Variants in NSUN3 observed in about 807,000 individuals in gnomAD.
NSUN3 encodes the protein tRNA (cytosine(34)-C(5))-methyltransferase, mitochondrial.
In NSUN3, 24 loss-of-function variants were observed where a neutral mutation model predicts 36.8. That is an observed-to-expected ratio of 0.65 (90% confidence interval 0.47 to 0.92). The LOEUF (loss-of-function observed/expected upper bound fraction) is 0.92, where lower values mean the gene tolerates loss of function less well. Ranked by LOEUF, NSUN3 falls within the 40% of genes least tolerant of loss-of-function variation. The pLI, the probability that NSUN3 is intolerant of heterozygous loss-of-function variation, is 0.00. For missense variants in NSUN3, 381 were observed against 392.8 expected, an observed-to-expected ratio of 0.97 and a Z score of 0.25; for synonymous variants, 146 against 145.2, an observed-to-expected ratio of 1.01 and a Z score of -0.04.
At chr3:94,126,074 G>A (rs1310808354) in intron 5 of NSUN3, 137 bp from the exon 6 acceptor site, 22 of 622,084 alleles carry the variant, frequency 3.5e-5, no homozygotes, top group East Asian at 3.1e-5. Context: ...AAAAAAAAAA[G>A]ACTAGAAAAC....
rs1256526197 is a variant in NSUN3 at position 94,130,526 on chromosome 3, T to TA, written c.*4037dup. ...TTGCGTGAATTTTTATACAAACACT[T>TA]ATGAGTTATATAAAATGTTCTAAAA... On this transcript the variant is annotated 3_prime_UTR_variant, in exon 6 of 6. Coordinates refer to ENST00000314622, the MANE Select transcript of NSUN3 (RefSeq NM_022072.5). 3.3e-5 allele frequency among the ~76,000 whole-genome samples: 5 copies of TA among 152,208 alleles called. No individual in the cohort carries two copies. The highest frequency in any genetic ancestry group is 3.3e-4 in the Admixed American group (5 of 15,288).
Position 94,067,098 on chromosome 3 carries a change from G to A in NSUN3, c.122+2552G>A, listed in dbSNP as rs537210454. ...CAGGTGTCAACTCAACATCCAGAAG[G>A]GCTTGTGACTAAAAGCTGTATGGAC... On this transcript the variant is annotated intron_variant, in intron 2 of 5. Transcript: ENST00000314622. 3.9e-5 allele frequency among the ~76,000 whole-genome samples: 6 copies of A among 152,234 alleles called. No homozygotes were observed. The South Asian group carries it at 8.3e-4, about 21-fold the overall frequency.
At chr3:94,109,901 C>G (rs1299126679) in intron 5 of NSUN3, among the ~76,000 whole-genome samples, 1 of 152,156 alleles carries the variant, frequency 6.6e-6, no homozygotes, top group Admixed American at 6.5e-5. Context: ...ATTCATTGTT[C>G]CCTTCATCAA....
At position 94,084,220 on chromosome 3, in the gene NSUN3, A is replaced by C; in HGVS notation, c.236A>C (p.Gln79Pro). ...LHLKGYHTLSQGSLPNYPKSV... is the reference protein window; with the variant it reads ...LHLKGYHTLSPGSLPNYPKSV... ...TTGAAGGGCTATCACACACTCTCTC[A>C]GGGATCTTTACCCAACTATCCTAAA... The change falls in exon 3 of 6, where the codon CAG (glutamine) becomes CCG (proline). Residue 79 changes from glutamine (Q) to proline (P), a missense_variant. Gln to Pro is a moderately conservative substitution (Grantham distance 76). Transcript: ENST00000314622. The C allele has an allele frequency of 6.2e-7, 1 of 1,614,162 alleles. No homozygotes were observed. The highest frequency in any genetic ancestry group is 1.1e-5 in the South Asian group (1 of 91,080).
At chr3:94,081,012 G>A (rs1349464331) in intron 2 of NSUN3, among the ~76,000 whole-genome samples, 1 of 152,150 alleles carries the variant, frequency 6.6e-6, no homozygotes, top group Non-Finnish European at 1.5e-5. Context: ...ACCCAATTTT[G>A]TGCTTGAAAC....
chr3:94,107,977 T>TC (rs1179096121), intron 5 of NSUN3, among the ~76,000 whole-genome samples: 2 of 149,074 alleles, frequency 1.3e-5, no homozygotes, highest in South Asian at 2.1e-4. Context: ...TTTTTTCCTT[T>TC]TTTTTTTTTT....
chr3:94,116,815 G>A lies in NSUN3; in HGVS notation c.744-9396G>A, dbSNP rs1182791689. The stretch of plus-strand genomic sequence containing the variant: ...TTAATATAGTACATACTTAATACAT[G>A]GTCTAACCTCCTTTCTACAGGAGGG... On this transcript the variant is annotated intron_variant, in intron 5 of 5. Transcript: ENST00000314622. 1.8e-4 allele frequency among the ~76,000 whole-genome samples: 27 copies of A among 151,902 alleles called. 1 individual carries two copies. Among genetic ancestry groups the A allele is most frequent in the Non-Finnish European group, 2.9e-5 (2 of 67,976 alleles).
intron 5 of NSUN3, among the ~76,000 whole-genome samples, chr3:94,118,996 A>G (rs2077451372): frequency 6.6e-6 from 1 of 152,224 alleles, no homozygotes; most frequent in East Asian, 1.9e-4. Flanking sequence ...CCTGCCATCT[A>G]ACTGTTGTAA....
intron 2 of NSUN3, among the ~76,000 whole-genome samples, chr3:94,065,800 A>C (rs1277023733): frequency 1.3e-5 from 2 of 152,204 alleles, no homozygotes; most frequent in Non-Finnish European, 2.9e-5. Context: ...GTATGTAATA[A>C]ATTTATGAGG....
At position 94,084,157 on chromosome 3, in the gene NSUN3, G is replaced by C. The variant is rs1403294371; in HGVS notation, c.173G>C (p.Arg58Pro). 2.5e-6 allele frequency: 4 copies of C among 1,613,884 alleles called. No individual in the cohort carries two copies. Among genetic ancestry groups the C allele is most frequent in the Non-Finnish European group, 3.4e-6 (4 of 1,180,006 alleles). The change falls in exon 3 of 6, where the codon CGA becomes CCA. Residue 58 changes from arginine to proline, a missense_variant. Coordinates refer to ENST00000314622, the MANE Select transcript of NSUN3 (RefSeq NM_022072.5). ...TGGCAATATGCTGTCCTGCTTAACC[G>C]ATTCAATTATCCTTTTGAACTGGAA... ...SCWQYAVLLN[R>P]FNYPFELEKD...
chr3:94,088,136 A>G (rs1026019182), intron 3 of NSUN3, among the ~76,000 whole-genome samples: 2 of 152,076 alleles, frequency 1.3e-5, no homozygotes, highest in African/African-American at 2.4e-5. Context: ...CCTTCAGATT[A>G]TACTTCAGGA....
intron 5 of NSUN3, among the ~76,000 whole-genome samples, chr3:94,109,803 C>T (rs910361066): frequency 2.0e-5 from 3 of 152,170 alleles, no homozygotes; most frequent in African/African-American, 7.2e-5. Context: ...GTACACTAAG[C>T]TCAAGGAGTT....
In NSUN3 at chr3:94,097,232, C is replaced by T. The variant is rs114283039; in HGVS notation, c.743+2078C>T. 3.1e-3 allele frequency among the ~76,000 whole-genome samples: 477 copies of T among 152,222 alleles called. 3 individuals carry two copies. The highest frequency in any genetic ancestry group is 0.011 in the African/African-American group (446 of 41,558). On this transcript the variant is annotated intron_variant, in intron 5 of 5. Coordinates refer to ENST00000314622, the MANE Select transcript of NSUN3 (RefSeq NM_022072.5). ...AAATAATACAAATGAAGCAAAAGGC[C>T]CTGTTGGCCACATGCCCAACCAAAT...
intron 5 of NSUN3, among the ~76,000 whole-genome samples, chr3:94,124,475 G>A (rs1223761154): frequency 6.6e-6 from 1 of 152,046 alleles, no homozygotes; most frequent in African/African-American, 2.4e-5. Flanking sequence ...TGAGATGAAG[G>A]CATCAGCAAG....
At chr3:94,067,260 G>A (rs533267000) in intron 2 of NSUN3, among the ~76,000 whole-genome samples, 36 of 152,312 alleles carry the variant, frequency 2.4e-4, no homozygotes, top group Admixed American at 7.8e-4. Context: ...TGATGATTCC[G>A]TTGGAGAGGA....
At chr3:94,114,251 C>G (rs1410166171) in intron 5 of NSUN3, among the ~76,000 whole-genome samples, 1 of 152,152 alleles carries the variant, frequency 6.6e-6, no homozygotes, top group African/African-American at 2.4e-5. Context: ...GGGCACATAG[C>G]TTGAGGTAAA....
chr3:94,093,993 G>C, intron 3 of NSUN3, 147 bp from the exon 4 acceptor site: 1 of 621,628 alleles, frequency 1.6e-6, no homozygotes, highest in South Asian at 2.2e-5. Flanking sequence ...TGTTTTTAAA[G>C]CATAAGAAAA....
chr3:94,112,983 G>A (rs1029654988), intron 5 of NSUN3, among the ~76,000 whole-genome samples: 6 of 151,954 alleles, frequency 3.9e-5, no homozygotes, highest in Non-Finnish European at 8.8e-5. Context: ...TCCTGCCTCA[G>A]CCTCCCAAGT....
chr3:94,088,698 A>T (rs1382564930), intron 3 of NSUN3, among the ~76,000 whole-genome samples: 1 of 143,188 alleles, frequency 7.0e-6, no homozygotes, highest in African/African-American at 2.6e-5. Context: ...TTAGACATAG[A>T]GTCTCTCTCT....
Sources: allele counts gnomAD v4.1 joint callset (sites outside exome capture counted in the v4.1 genomes callset), GRCh38; gene constraint gnomAD v4.1.1; transcripts MANE v1.5; gene names NCBI Gene and HGNC (gene_info 2026-07-23, HGNC 2026-07-21).